Variants in DLG2 observed in about 807,000 individuals in gnomAD.
DLG2 encodes discs large MAGUK scaffold protein 2, also known as disks large homolog 2.
Under a neutral mutation model 132.5 loss-of-function variants are expected in DLG2, and 45 were observed. The observed-to-expected ratio is 0.34, with a 90% CI of 0.27 to 0.44. DLG2 has a LOEUF of 0.44. Ranked by LOEUF, DLG2 falls within the 20% of genes least tolerant of loss-of-function variation. The probability of loss-of-function intolerance (pLI) is 1.00; values close to 1 mark genes in which losing one functional copy is unlikely to be tolerated. For synonymous variants in DLG2, 424 were observed against 419.6 expected, an observed-to-expected ratio of 1.01 and a Z score of -0.13; for missense variants, 1,045 against 1,196.9, an observed-to-expected ratio of 0.87 and a Z score of 1.87.
chr11:84,469,073 A>G (rs2099101914), intron 7 of DLG2, among the ~76,000 whole-genome samples: 1 of 151,708 alleles, frequency 6.6e-6, no homozygotes, highest in African/African-American at 2.4e-5. Flanking sequence ...GACTCATTAA[A>G]TAATGACTAA....
In DLG2 at chr11:84,297,309, G is replaced by A. The variant is rs77679873; in HGVS notation, c.520-46018C>T. 7.4e-4 allele frequency among the ~76,000 whole-genome samples: 113 copies of A among 152,200 alleles called. No individual in the cohort carries two copies. In the East Asian group the frequency reaches 0.021, roughly 28 times the overall value. On this transcript the variant is annotated intron_variant, in intron 7 of 27. Transcript: ENST00000376104. ...AATCTAGGAACTTACTAGATGAGAA[G>A]GAGTGTGAACATTGGAGTTCAAACA...
chr11:85,487,516 T>C (rs1472341984), intron 3 of DLG2, among the ~76,000 whole-genome samples: 1 of 148,304 alleles, frequency 6.7e-6, no homozygotes, highest in Non-Finnish European at 1.5e-5. Flanking sequence ...ACTGAAAAAT[T>C]AATTGGAGAA....
chr11:83,887,385 C>G (rs1473121088), intron 15 of DLG2, among the ~76,000 whole-genome samples: 2 of 151,844 alleles, frequency 1.3e-5, no homozygotes, highest in Non-Finnish European at 2.9e-5. Flanking sequence ...TACACCCTCC[C>G]AAGACTAAAC....
intron 15 of DLG2, among the ~76,000 whole-genome samples, chr11:83,900,370 T>C (rs12295931): frequency 0.096 from 14,668 of 152,204 alleles, 829 homozygotes; most frequent in Middle Eastern, 0.2. Context: ...GAAATGTCTC[T>C]AGGGCATGTC....
chr11:83,579,664 TAAATA>T (rs1333757361), intron 19 of DLG2, among the ~76,000 whole-genome samples: 2 of 151,752 alleles, frequency 1.3e-5, no homozygotes, highest in Non-Finnish European at 2.9e-5. Flanking sequence ...TGAAAAAAAA[TAAATA>T]AAATAAATAA....
At chr11:83,730,885 G>T (rs1466630766) in intron 18 of DLG2, among the ~76,000 whole-genome samples, 2 of 152,108 alleles carry the variant, frequency 1.3e-5, no homozygotes, top group Non-Finnish European at 2.9e-5. Context: ...ACCTATAGGG[G>T]TCATTCTTCC....
intron 10 of DLG2, among the ~76,000 whole-genome samples, chr11:84,082,240 ATGCCTG>A (rs1428091649): frequency 1.3e-5 from 2 of 152,252 alleles, no homozygotes; most frequent in African/African-American, 4.8e-5. Flanking sequence ...TTAAAGTACA[ATGCCTG>A]TGTTATGGTA....
intron 2 of DLG2, among the ~76,000 whole-genome samples, chr11:85,622,231 T>C (rs1490035060): frequency 6.6e-6 from 1 of 152,236 alleles, no homozygotes; most frequent in Non-Finnish European, 1.5e-5. Context: ...TAGTATATAC[T>C]GTACTGTATA....
intron 6 of DLG2, among the ~76,000 whole-genome samples, chr11:84,814,572 T>C (rs1319840034): frequency 2.0e-5 from 3 of 152,032 alleles, no homozygotes; most frequent in Non-Finnish European, 4.4e-5. Context: ...TCCACAGCCT[T>C]CATACTCTGA....
chr11:85,227,187 G>A (rs1283338718), intron 4 of DLG2, among the ~76,000 whole-genome samples: 4 of 152,080 alleles, frequency 2.6e-5, no homozygotes, highest in Non-Finnish European at 5.9e-5. Flanking sequence ...TCAATCAGCT[G>A]AGGCTATTAC....
At chr11:83,553,291 C>T (rs2096436715) in intron 19 of DLG2, among the ~76,000 whole-genome samples, 1 of 152,114 alleles carries the variant, frequency 6.6e-6, no homozygotes, top group African/African-American at 2.4e-5. Flanking sequence ...TTTCCACTAT[C>T]AATGCCATCT....
chr11:83,593,590 C>T (rs1208613114), intron 19 of DLG2, among the ~76,000 whole-genome samples: 1 of 149,538 alleles, frequency 6.7e-6, no homozygotes, highest in African/African-American at 2.5e-5. Flanking sequence ...CACATGTATA[C>T]ATATGTAACT....
chr11:84,568,683 T>C (rs760719484), intron 6 of DLG2, among the ~76,000 whole-genome samples: 1 of 152,142 alleles, frequency 6.6e-6, no homozygotes, highest in Non-Finnish European at 1.5e-5. Flanking sequence ...ACTCCCATAG[T>C]TGTGCATTCC....
At chr11:84,093,406 G>A (rs975619309) in intron 10 of DLG2, among the ~76,000 whole-genome samples, 1 of 152,108 alleles carries the variant, frequency 6.6e-6, no homozygotes, top group African/African-American at 2.4e-5. Flanking sequence ...GCAACAACGT[G>A]TCAAGTACAT....
intron 6 of DLG2, among the ~76,000 whole-genome samples, chr11:84,641,177 C>A (rs568545802): frequency 1.1e-4 from 17 of 152,136 alleles, no homozygotes; most frequent in African/African-American, 3.9e-4. Context: ...AATTTTAATC[C>A]CAGCTTCTGC....
chr11:85,001,844 T>C (rs2058238605), intron 6 of DLG2, among the ~76,000 whole-genome samples: 1 of 152,158 alleles, frequency 6.6e-6, no homozygotes, highest in Non-Finnish European at 1.5e-5. Flanking sequence ...CATGCATGTG[T>C]GGGGACAAGG....
At chr11:85,508,949 TA>T (rs1422942438) in intron 3 of DLG2, among the ~76,000 whole-genome samples, 1 of 152,058 alleles carries the variant, frequency 6.6e-6, no homozygotes, top group East Asian at 1.9e-4. Context: ...TTGAAGCATA[TA>T]AAAAAGTAAT....
At chr11:84,208,169 T>A (rs1266519257) in intron 8 of DLG2, among the ~76,000 whole-genome samples, 1 of 152,136 alleles carries the variant, frequency 6.6e-6, no homozygotes, top group Non-Finnish European at 1.5e-5. Context: ...TTTATGGCAC[T>A]ATATCTTGAC....
At chr11:84,598,791 T>A (rs1368879050) in intron 6 of DLG2, among the ~76,000 whole-genome samples, 1 of 150,770 alleles carries the variant, frequency 6.6e-6, no homozygotes, top group Admixed American at 6.6e-5. Context: ...AAAAAAAAAA[T>A]TTAGCCGGGC....
Sources: gnomAD v4.1 joint callset for allele counts (sites outside exome capture counted in the v4.1 genomes callset) on GRCh38, gnomAD v4.1.1 for gene constraint, MANE v1.5 for transcripts, NCBI Gene and HGNC (gene_info 2026-07-23, HGNC 2026-07-21) for gene names.